Variants in CTNNA3 observed in about 807,000 individuals in gnomAD.
The protein encoded by CTNNA3 is catenin alpha-3.
Under a neutral mutation model 95.7 loss-of-function variants are expected in CTNNA3, and 76 were observed. The ratio of observed to expected loss-of-function variants is 0.79; its 90% CI spans 0.66 to 0.96. CTNNA3 has a LOEUF of 0.96. Among genes scored for constraint, CTNNA3 ranks in the 40% least tolerant of loss-of-function variants. CTNNA3 has a pLI of 0.00. For synonymous variants in CTNNA3, 431 were observed against 374.4 expected (o/e 1.15, Z -1.74); for missense variants, 1,191 against 1,089.8 (o/e 1.09, Z -1.31).
At chr10:66,284,045 C>CA (rs1303159337) in intron 12 of CTNNA3, among the ~76,000 whole-genome samples, 3 of 151,742 alleles carry the variant, frequency 2.0e-5, no homozygotes, top group Non-Finnish European at 4.4e-5. Flanking sequence ...ATGGAAATGC[C>CA]AGGTAGGATA....
At chr10:67,293,254 G>C (rs1235240701) in intron 5 of CTNNA3, among the ~76,000 whole-genome samples, 1 of 152,130 alleles carries the variant, frequency 6.6e-6, no homozygotes, top group Non-Finnish European at 1.5e-5. Context: ...AAGGTAGTTG[G>C]AAGGAGCCCT....
Position 66,002,668 on chromosome 10 carries a change from C to T in CTNNA3, c.2160-13871G>A, listed in dbSNP as rs2078793741. On this transcript the variant is annotated intron_variant, in intron 15 of 17. Transcript: ENST00000433211. ...CCTCGATCTACAAGATATCCTGTCCCCTAAGGCTCCAGAACCCTCTGCACA... is the reference window on the plus strand; with the variant it reads ...CCTCGATCTACAAGATATCCTGTCCTCTAAGGCTCCAGAACCCTCTGCACA... Among the ~76,000 whole-genome samples the T allele has an allele frequency of 2.0e-5, 3 of 152,242 alleles. No homozygotes were observed. In the South Asian group the frequency reaches 6.2e-4, roughly 32 times the overall value.
chr10:67,359,659 G>A (rs1286102936), intron 5 of CTNNA3, among the ~76,000 whole-genome samples: 1 of 151,994 alleles, frequency 6.6e-6, no homozygotes, highest in Non-Finnish European at 1.5e-5. Flanking sequence ...CAAAAATAAA[G>A]AAAAAAATTT....
chr10:67,537,049 T>C (rs915760492), intron 4 of CTNNA3, among the ~76,000 whole-genome samples: 2 of 152,158 alleles, frequency 1.3e-5, no homozygotes, highest in Admixed American at 6.5e-5. Flanking sequence ...AGATGCCACT[T>C]CCTTTTTCAT....
At chr10:67,129,081 T>C (rs906376338) in intron 7 of CTNNA3, among the ~76,000 whole-genome samples, 1 of 152,188 alleles carries the variant, frequency 6.6e-6, no homozygotes, top group Non-Finnish European at 1.5e-5. Context: ...TTGAAACCCT[T>C]TGATAAAAAG....
At chr10:67,519,397 A>G (rs1318907432) in intron 5 of CTNNA3, among the ~76,000 whole-genome samples, 1 of 152,178 alleles carries the variant, frequency 6.6e-6, no homozygotes, top group African/African-American at 2.4e-5. Context: ...GAAGAATAAA[A>G]TATGTTAGGA....
chr10:66,197,344 A>G (rs2087028399), intron 13 of CTNNA3, among the ~76,000 whole-genome samples: 1 of 124,862 alleles, frequency 8.0e-6, no homozygotes, highest in South Asian at 2.2e-4. Flanking sequence ...ATCTCTATCT[A>G]TCTATCTATC....
At chr10:67,238,092 G>A (rs540541193) in intron 5 of CTNNA3, among the ~76,000 whole-genome samples, 102 of 152,280 alleles carry the variant, frequency 6.7e-4, no homozygotes, top group African/African-American at 2.3e-3. Flanking sequence ...AGAATACAGA[G>A]AGAAGAATGT....
intron 7 of CTNNA3, among the ~76,000 whole-genome samples, chr10:66,909,236 C>T (rs746883209): frequency 6.6e-6 from 1 of 152,096 alleles, no homozygotes; most frequent in Non-Finnish European, 1.5e-5. Flanking sequence ...CACTACCAGC[C>T]GGGCGCGGTG....
intron 5 of CTNNA3, among the ~76,000 whole-genome samples, chr10:67,517,216 A>G (rs1839844068): frequency 6.6e-6 from 1 of 152,134 alleles, no homozygotes; most frequent in Non-Finnish European, 1.5e-5. Flanking sequence ...CATTCCCAAC[A>G]ATGTGCAAAG....
intron 11 of CTNNA3, 54 bp downstream of exon 11, chr10:66,520,563 T>C (rs1218983709): frequency 5.3e-6 from 8 of 1,517,036 alleles, no homozygotes; most frequent in Middle Eastern, 1.7e-4. Context: ...AGTATTATTC[T>C]ATTTTATAAA....
chr10:66,052,799 G>A (rs1028560292), intron 15 of CTNNA3, among the ~76,000 whole-genome samples: 1 of 152,004 alleles, frequency 6.6e-6, no homozygotes, highest in African/African-American at 2.4e-5. Context: ...TATGGGCAAA[G>A]CATTCTTTCT....
chr10:66,720,553 C>T (rs983352629), intron 9 of CTNNA3, among the ~76,000 whole-genome samples: 1 of 152,136 alleles, frequency 6.6e-6, no homozygotes, highest in African/African-American at 2.4e-5. Context: ...CTGCTCTAGG[C>T]CAGGCACAGT....
At chr10:67,421,699 G>A (rs772006643) in intron 5 of CTNNA3, among the ~76,000 whole-genome samples, 4 of 151,764 alleles carry the variant, frequency 2.6e-5, no homozygotes, top group Admixed American at 6.6e-5. Flanking sequence ...TTTTCATCAC[G>A]AAATGAAAGA....
intron 1 of CTNNA3, among the ~76,000 whole-genome samples, chr10:67,755,802 C>CAA (rs201336788): frequency 0.13 from 7,865 of 58,548 alleles, 444 homozygotes; most frequent in African/African-American, 0.22. Flanking sequence ...GTCTCTGCCT[C>CAA]AAAAAAAAAA....
At chr10:66,024,990 A>G (rs549121666) in intron 15 of CTNNA3, among the ~76,000 whole-genome samples, 16 of 152,332 alleles carry the variant, frequency 1.1e-4, no homozygotes, top group African/African-American at 3.8e-4. Context: ...AATATCTTTT[A>G]TGTTTTTAAA....
intron 7 of CTNNA3, among the ~76,000 whole-genome samples, chr10:66,951,932 A>G (rs1481400285): frequency 2.0e-5 from 3 of 152,190 alleles, no homozygotes; most frequent in African/African-American, 7.2e-5. Context: ...TTTAATGGAC[A>G]TAAGACCCTG....
Position 66,927,615 on chromosome 10 carries a change from C to T in CTNNA3, c.1048-152091G>A. On this transcript the variant is annotated intron_variant, in intron 7 of 17. Transcript: ENST00000433211. This position sits in a 1 kb window ranked among gnomAD's most constrained non-coding sequence, Gnocchi z 4.7. ...TTCCAAGGTTGGTCAGCCTTCAGAA[C>T]CTTTACTTGCAGTGGAATAAAATCA... The T allele has an allele frequency of 6.2e-7, 1 of 1,614,160 alleles. No homozygotes were observed. Among genetic ancestry groups the T allele is most frequent in the Non-Finnish European group, 8.5e-7 (1 of 1,180,018 alleles).
chr10:67,280,858 T>TCTTTGAGTCTTATATCTGTGGGACTC (rs1374148105), intron 5 of CTNNA3, among the ~76,000 whole-genome samples: 9 of 152,206 alleles, frequency 5.9e-5, no homozygotes, highest in Admixed American at 5.9e-4. Context: ...TCTGTCTGTT[T>TCTTTGAGTCTTATATCTGTGGGACTC]CTTTGAGTCT....
Sources: gnomAD v4.1 joint callset for allele counts (sites outside exome capture counted in the v4.1 genomes callset) on GRCh38, gnomAD v4.1.1 for gene constraint, Gnocchi (gnomAD v3.1) non-coding constraint, MANE v1.5 for transcripts, NCBI Gene and HGNC (gene_info 2026-07-23, HGNC 2026-07-21) for gene names.